Variants in PLEKHA7 observed in about 807,000 individuals in gnomAD.
The protein encoded by PLEKHA7 is pleckstrin homology domain containing A7.
A neutral mutation model predicts 170.0 loss-of-function variants in PLEKHA7; 104 were observed. The ratio of observed to expected loss-of-function variants is 0.61; its 90% CI spans 0.52 to 0.72. The LOEUF (loss-of-function observed/expected upper bound fraction) is 0.72, where lower values mean the gene tolerates loss of function less well. Ranked by LOEUF, PLEKHA7 falls within the 30% of genes least tolerant of loss-of-function variation. The pLI is 0.00. For missense variants in PLEKHA7, 1,615 were observed against 1,671.7 expected (o/e 0.97, Z 0.59); for synonymous variants, 648 against 660.8 (o/e 0.98, Z 0.30).
intron 3 of PLEKHA7, among the ~76,000 whole-genome samples, chr11:16,886,954 G>A (rs1856155846): frequency 6.6e-6 from 1 of 152,050 alleles, no homozygotes; most frequent in South Asian, 2.1e-4. Flanking sequence ...GCCAAAAGAT[G>A]AACAAAATAA....
At chr11:16,931,626 T>C (rs1387776729) in intron 3 of PLEKHA7, among the ~76,000 whole-genome samples, 1 of 151,622 alleles carries the variant, frequency 6.6e-6, no homozygotes, top group Non-Finnish European at 1.5e-5. Context: ...TAGCTGGGCA[T>C]GGTGGCGCGC....
rs1172418096 is a variant in PLEKHA7, at chr11:17,012,355, C to T, written c.221+1634G>A. Among the ~76,000 whole-genome samples, 4 of 152,196 alleles carry T rather than the reference C, an allele frequency of 2.6e-5. No individual in the cohort carries two copies. The East Asian group carries it at 7.7e-4, about 29-fold the overall frequency. On this transcript the variant is annotated intron_variant, in intron 3 of 26. Transcript: ENST00000531066. ...GCACCACATTCCAGCCTTCCTGCTC[C>T]TTAAACTCCAAGCTCTTTTCTGCCT... is the stretch of plus-strand genomic sequence containing the variant.
At chr11:16,866,991 T>C (rs74421829) in intron 4 of PLEKHA7, among the ~76,000 whole-genome samples, 4,262 of 152,244 alleles carry the variant, frequency 0.028, 86 homozygotes, top group South Asian at 0.084. Context: ...AATTTTTTCT[T>C]TTCTTTTATT....
chr11:16,797,898 G>C (rs893957332), intron 17 of PLEKHA7, among the ~76,000 whole-genome samples: 2 of 152,140 alleles, frequency 1.3e-5, no homozygotes, highest in Non-Finnish European at 2.9e-5. Context: ...AGAACAGAGA[G>C]CAGAGAATAA....
At chr11:16,790,360 C>T (rs183560856) in intron 21 of PLEKHA7, 9 of 200,188 alleles carry the variant, frequency 4.5e-5, no homozygotes, top group African/African-American at 1.6e-4. Flanking sequence ...CCCAGCACTC[C>T]GGCCTACAGG....
At chr11:17,010,775 G>A (rs1865278792) in intron 3 of PLEKHA7, among the ~76,000 whole-genome samples, 2 of 152,138 alleles carry the variant, frequency 1.3e-5, no homozygotes, top group African/African-American at 4.8e-5. Context: ...ATTAGAGGAG[G>A]CTCCTGCCCT....
At chr11:16,889,558 C>T (rs890459743) in intron 3 of PLEKHA7, among the ~76,000 whole-genome samples, 21 of 150,950 alleles carry the variant, frequency 1.4e-4, no homozygotes, top group Admixed American at 1.2e-3. Flanking sequence ...GCTGTGATCA[C>T]GTCACTGCAC....
chr11:16,826,100 A>G lies in PLEKHA7; in HGVS notation c.1343+20T>C. 2 of 1,605,084 alleles carry G rather than the reference A, an allele frequency of 1.2e-6. No individual in the cohort carries two copies. Among genetic ancestry groups the G allele is most frequent in the Non-Finnish European group, 1.7e-6 (2 of 1,173,266 alleles). On this transcript the variant is annotated intron_variant, in intron 10 of 26. Transcript: ENST00000531066. Reference sequence around the variant, plus strand: ...ATTATCGTGCTCGTTATAAGCAGCGATCCTGAGTCTATTACTCACCTCCTG... The same window carrying G: ...ATTATCGTGCTCGTTATAAGCAGCGGTCCTGAGTCTATTACTCACCTCCTG...
chr11:16,786,426 G>C, intron 23 of PLEKHA7, 39 bp from the exon 24 acceptor site: 3 of 1,534,084 alleles, frequency 2.0e-6, no homozygotes, highest in Non-Finnish European at 2.6e-6. Context: ...GTCGCTTCCT[G>C]ATTGCTGAAA....
At chr11:16,854,278 G>A (rs1013048758) in intron 6 of PLEKHA7, among the ~76,000 whole-genome samples, 4 of 152,220 alleles carry the variant, frequency 2.6e-5, no homozygotes, top group South Asian at 2.1e-4. Context: ...GGCCTCAGCC[G>A]ACAGAGCTGA....
intron 10 of PLEKHA7, among the ~76,000 whole-genome samples, chr11:16,825,130 A>T (rs1850536079): frequency 2.0e-5 from 3 of 152,232 alleles, no homozygotes; most frequent in East Asian, 1.9e-4. Flanking sequence ...CCACTCTCAC[A>T]ACTGCCCAGC....
chr11:16,832,350 C>A (rs951082932), intron 9 of PLEKHA7, among the ~76,000 whole-genome samples: 1 of 152,150 alleles, frequency 6.6e-6, no homozygotes, highest in Admixed American at 6.5e-5. Flanking sequence ...TGGGGTTGGG[C>A]CCCAGCATTT....
intron 3 of PLEKHA7, among the ~76,000 whole-genome samples, chr11:16,979,017 AC>A (rs2136817825): frequency 6.6e-6 from 1 of 152,112 alleles, no homozygotes; most frequent in East Asian, 1.9e-4. Flanking sequence ...TAAAGTTCCA[AC>A]CTGATTCTTT....
At chr11:16,887,668 T>A (rs422272) in intron 3 of PLEKHA7, among the ~76,000 whole-genome samples, 19,316 of 152,254 alleles carry the variant, frequency 0.13, 1,297 homozygotes, top group Admixed American at 0.17. Context: ...AGTGCTGGAA[T>A]TGCAGACGGA....
chr11:16,913,243 T>C (rs1858383183), intron 3 of PLEKHA7, among the ~76,000 whole-genome samples: 1 of 151,964 alleles, frequency 6.6e-6, no homozygotes, highest in East Asian at 1.9e-4. Flanking sequence ...CCAGCCACAT[T>C]TTTTTTTCCC....
At chr11:16,889,030 T>C (rs1856421511) in intron 3 of PLEKHA7, among the ~76,000 whole-genome samples, 1 of 146,618 alleles carries the variant, frequency 6.8e-6, no homozygotes, top group South Asian at 2.1e-4. Context: ...CCTGCACATA[T>C]ACACCCAGAT....
Position 16,817,125 on chromosome 11 carries a change from G to A in PLEKHA7, c.1541C>T (p.Ala514Val), listed in dbSNP as rs930065134. 16 of 1,614,044 alleles carry A rather than the reference G, an allele frequency of 9.9e-6. No homozygotes were observed. Among genetic ancestry groups the A allele is most frequent in the South Asian group, 2.2e-5 (2 of 91,086 alleles). ...CTGCCACACGGTGCCATCCCGGTGCGCCCGGCGCTCTTCACTCGACATCTT... is the reference window on the plus strand; with the variant it reads ...CTGCCACACGGTGCCATCCCGGTGCACCCGGCGCTCTTCACTCGACATCTT... ...HLKMSSEERR[A>V]HRDGTVWQLY... The change falls in exon 11 of 27, where the codon GCG (alanine) becomes GTG (valine). Residue 514 changes from alanine to valine, a missense_variant. Physicochemically the swap from Ala to Val is moderately conservative, Grantham distance 64. Coordinates refer to ENST00000531066, the MANE Select transcript of PLEKHA7 (RefSeq NM_001329630.2). The surrounding 1 kb of genome is among the most constrained non-coding windows in gnomAD (Gnocchi z 4.4).
chr11:16,959,703 G>A (rs1354822212), intron 3 of PLEKHA7, among the ~76,000 whole-genome samples: 1 of 152,216 alleles, frequency 6.6e-6, no homozygotes, highest in African/African-American at 2.4e-5. Flanking sequence ...AAAGGCTGGA[G>A]CAACAAAAGG....
chr11:16,941,515 T>C (rs1050686205), intron 3 of PLEKHA7, among the ~76,000 whole-genome samples: 2 of 152,224 alleles, frequency 1.3e-5, no homozygotes, highest in South Asian at 4.1e-4. Flanking sequence ...CACTGACTCA[T>C]AGAATTTCTA....
Sources: allele counts gnomAD v4.1 joint callset (sites outside exome capture counted in the v4.1 genomes callset), GRCh38; gene constraint gnomAD v4.1.1; non-coding constraint Gnocchi (gnomAD v3.1); transcripts MANE v1.5; gene names NCBI Gene and HGNC (gene_info 2026-07-23, HGNC 2026-07-21).